The following FAP variants were observed in gnomAD, a reference collection of about 807,000 sequenced individuals.
The protein encoded by FAP is prolyl endopeptidase FAP.
Under a neutral mutation model 126.5 loss-of-function variants are expected in FAP, and 110 were observed. The observed-to-expected ratio is 0.87, with a 90% CI of 0.74 to 1.02. The LOEUF (loss-of-function observed/expected upper bound fraction) is 1.02. Ranked by LOEUF, FAP falls within the 50% of genes least tolerant of loss-of-function variation. FAP has a pLI of 0.00. For synonymous variants in FAP, 334 were observed against 297.3 expected (o/e 1.12, Z -1.27); for missense variants, 919 against 909.2 (o/e 1.01, Z -0.14).
At chr2:162,234,407 T>C (rs1267356106) in intron 2 of FAP, among the ~76,000 whole-genome samples, 2 of 152,178 alleles carry the variant, frequency 1.3e-5, no homozygotes, top group African/African-American at 2.4e-5. Context: ...GAAATACTAT[T>C]GATCTTTATA....
At position 162,203,064 on chromosome 2, in the gene FAP, T is replaced by C. The variant is rs1436240450; in HGVS notation, c.1129A>G (p.Ile377Val). The change falls in exon 13 of 26, where the codon ATT becomes GTT. Residue 377 changes from isoleucine to valine, a missense_variant. Transcript: ENST00000188790. ...IFSDKDGYKHIHYIKDTVENA... is the reference protein window; with the variant it reads ...IFSDKDGYKHVHYIKDTVENA... ...ACCACAGTGTCTTTGATATAGTGAA[T>C]ATGTTTGTAGCCATCCTTGTCACTA... 6.2e-7 allele frequency: 1 copy of C among 1,612,858 alleles called. No individual in the cohort carries two copies. The highest frequency in any genetic ancestry group is 1.3e-5 in the African/African-American group (1 of 74,918).
chr2:162,186,466 C>T (rs1687871238), intron 20 of FAP, among the ~76,000 whole-genome samples: 1 of 151,920 alleles, frequency 6.6e-6, no homozygotes, highest in Non-Finnish European at 1.5e-5. Context: ...TTCATTTCAT[C>T]CAAGGAAAAT....
At chr2:162,238,503 C>T (rs560619123) in intron 2 of FAP, among the ~76,000 whole-genome samples, 38 of 152,268 alleles carry the variant, frequency 2.5e-4, no homozygotes, top group African/African-American at 8.9e-4. Context: ...TTTTAAAATT[C>T]ACGTGCAAAT....
intron 2 of FAP, among the ~76,000 whole-genome samples, chr2:162,233,349 A>G (rs1231729764): frequency 6.6e-6 from 1 of 151,516 alleles, no homozygotes; most frequent in East Asian, 1.9e-4. Context: ...GCTTGTCTCT[A>G]TTTCTACTGC....
chr2:162,226,040 T>G (rs1689633255), intron 3 of FAP, among the ~76,000 whole-genome samples: 1 of 152,198 alleles, frequency 6.6e-6, no homozygotes, highest in Non-Finnish European at 1.5e-5. Flanking sequence ...ATAGACTATT[T>G]AGTTGATCTC....
chr2:162,211,580 A>G (rs926658057), intron 11 of FAP, among the ~76,000 whole-genome samples: 4 of 152,196 alleles, frequency 2.6e-5, no homozygotes, highest in African/African-American at 9.7e-5. Flanking sequence ...ACAAATTTTA[A>G]GAACACAGTC....
intron 2 of FAP, among the ~76,000 whole-genome samples, chr2:162,227,177 T>C (rs1210339689): frequency 6.6e-6 from 1 of 152,126 alleles, no homozygotes; most frequent in East Asian, 1.9e-4. Flanking sequence ...AAGAAAGACA[T>C]TATGAATGTA....
intron 11 of FAP, among the ~76,000 whole-genome samples, chr2:162,213,384 A>C (rs1290837693): frequency 1.3e-5 from 2 of 151,492 alleles, no homozygotes; most frequent in Non-Finnish European, 2.9e-5. Flanking sequence ...CAAAAAAAAA[A>C]CAAAAAACAA....
chr2:162,197,695 A>G (rs1688307637), intron 16 of FAP: 1 of 455,860 alleles, frequency 2.2e-6, no homozygotes, highest in Non-Finnish European at 4.4e-6. Flanking sequence ...ATGTTAGGGT[A>G]GCCTTCATTC....
At chr2:162,180,173 T>G (rs2106218410) in intron 21 of FAP, among the ~76,000 whole-genome samples, 1 of 151,380 alleles carries the variant, frequency 6.6e-6, no homozygotes, top group South Asian at 2.1e-4. Context: ...TAAGCTGGAG[T>G]CAGACTGCCA....
At chr2:162,202,796 G>T (rs764833041) in intron 14 of FAP, 76 bp downstream of exon 14, 10 of 1,059,940 alleles carry the variant, frequency 9.4e-6, no homozygotes, top group Non-Finnish European at 1.2e-5. Context: ...AACTAAGAGA[G>T]TTGGTACAGT....
intron 9 of FAP, 138 bp downstream of exon 9, chr2:162,217,848 G>T (rs1689212403): frequency 1.8e-6 from 1 of 551,698 alleles, no homozygotes; most frequent in African/African-American, 1.9e-5. Flanking sequence ...AAATAATAGA[G>T]CACAGTACAA....
At chr2:162,240,387 G>A (rs1002747776) in intron 2 of FAP, among the ~76,000 whole-genome samples, 1 of 152,132 alleles carries the variant, frequency 6.6e-6, no homozygotes, top group Non-Finnish European at 1.5e-5. Context: ...GTTCTCCTGG[G>A]ATGGAAGAGC....
Position 162,232,597 on chromosome 2 carries a change from C to CTACTATTATTACTATTAT in FAP, c.92-5977_92-5976insATAATAGTAATAATAGTA, listed in dbSNP as rs1362260452. Among the ~76,000 whole-genome samples, 13 of 152,294 alleles carry CTACTATTATTACTATTAT rather than the reference C, an allele frequency of 8.5e-5. No homozygotes were observed. In the East Asian group the frequency reaches 2.1e-3, roughly 25 times the overall value. On this transcript the variant is annotated intron_variant, in intron 2 of 25. Coordinates refer to ENST00000188790, the MANE Select transcript of FAP (RefSeq NM_004460.5). The stretch of plus-strand genomic sequence containing the variant: ...CTAGCTATTATAAAACTACTTACTG[C>CTACTATTATTACTATTAT]TACTATTATTACTGCCTACTTGAAG...
intron 21 of FAP, among the ~76,000 whole-genome samples, chr2:162,182,522 A>T (rs1259045564): frequency 6.6e-6 from 1 of 152,160 alleles, no homozygotes; most frequent in Admixed American, 6.5e-5. Flanking sequence ...ACAGCTCTTC[A>T]TCTGGTCACT....
At chr2:162,173,847 A>G (rs1687396829) in intron 22 of FAP, 60 bp from the exon 23 acceptor site, 3 of 1,082,004 alleles carry the variant, frequency 2.8e-6, no homozygotes, top group Non-Finnish European at 4.3e-6. Context: ...TCATTAACCA[A>G]CAAGACCTTC....
chr2:162,239,084 T>G (rs893786870), intron 2 of FAP, among the ~76,000 whole-genome samples: 12 of 152,228 alleles, frequency 7.9e-5, no homozygotes, highest in Non-Finnish European at 1.6e-4. Flanking sequence ...TAAATGATTT[T>G]GGTCTCATAG....
rs78244369 is a variant in FAP at position 162,224,526 on chromosome 2, A to G, written c.300T>C (p.Ala100=). Reference sequence around the variant, plus strand: ...GATCAGGTGATAAGCCGTAATTTGAAGCATTCACACTTTTCTGAAATTATG... The same window carrying G: ...GATCAGGTGATAAGCCGTAATTTGAGGCATTCACACTTTTCTGAAATTATG... ...LSNRTMKSVN[A]SNYGLSPDRQ... Residue 100 remains alanine, a synonymous_variant, in exon 5 of 26, where the codon GCT becomes GCC. Coordinates refer to ENST00000188790, the MANE Select transcript of FAP (RefSeq NM_004460.5). The G allele has an allele frequency of 6.1e-3, 9,696 of 1,595,246 alleles. 33 individuals are homozygous for G. Among genetic ancestry groups the G allele is most frequent in the Non-Finnish European group, 7.6e-3 (8,866 of 1,171,776 alleles).
At chr2:162,238,734 A>T (rs1198673203) in intron 2 of FAP, among the ~76,000 whole-genome samples, 1 of 152,216 alleles carries the variant, frequency 6.6e-6, no homozygotes, top group East Asian at 1.9e-4. Context: ...TACTACTAAC[A>T]TATTTATATC....
Sources: allele counts gnomAD v4.1 joint callset (sites outside exome capture counted in the v4.1 genomes callset), GRCh38; gene constraint gnomAD v4.1.1; transcripts MANE v1.5; gene names NCBI Gene and HGNC (gene_info 2026-07-23, HGNC 2026-07-21).